The following LMBRD2 variants were observed in gnomAD, a reference collection of about 807,000 sequenced individuals.
LMBRD2 encodes the protein G protein-coupled receptor-associated protein LMBRD2.
LMBRD2 carries 55 observed loss-of-function variants against 94.4 expected under a neutral mutation model. The ratio of observed to expected loss-of-function variants is 0.58; its 90% CI spans 0.47 to 0.73. LMBRD2 has a LOEUF of 0.73. LMBRD2 is among the 30% of genes least tolerant of loss of function. The pLI is 0.00. For synonymous variants in LMBRD2, 246 were observed against 272.4 expected (o/e 0.90, Z 0.95); for missense variants, 640 against 831.9 (o/e 0.77, Z 2.84).
At chr5:36,128,345 T>C (rs1420738951) in intron 6 of LMBRD2, among the ~76,000 whole-genome samples, 1 of 152,170 alleles carries the variant, frequency 6.6e-6, no homozygotes, top group Non-Finnish European at 1.5e-5. Context: ...AAAGAATACC[T>C]AACTTTTCAA....
intron 9 of LMBRD2, among the ~76,000 whole-genome samples, chr5:36,118,879 G>C (rs11954023): frequency 0.29 from 43,430 of 151,714 alleles, 7,612 homozygotes; most frequent in Non-Finnish European, 0.39. Flanking sequence ...ATTTTTAGTA[G>C]AGACAGGGTT....
intron 11 of LMBRD2, among the ~76,000 whole-genome samples, chr5:36,116,088 T>C (rs945709936): frequency 1.8e-4 from 28 of 152,180 alleles, no homozygotes; most frequent in African/African-American, 6.8e-4. Context: ...GGAAAAATTG[T>C]TCTTGTTGGT....
Position 36,141,146 on chromosome 5 carries a change from A to G in LMBRD2, c.329T>C (p.Phe110Ser). 1 of 1,611,502 alleles carries G rather than the reference A, an allele frequency of 6.2e-7. No homozygotes were observed. The highest frequency in any genetic ancestry group is 8.5e-7 in the Non-Finnish European group (1 of 1,178,040). ...SYIPDGIMPI[F>S]WRVVYWTSQF... ...TGACGTCCAATACACTACCCTCCAGAAAATTGGCATGATTCCATCAGGAAT... is the reference window on the plus strand; with the variant it reads ...TGACGTCCAATACACTACCCTCCAGGAAATTGGCATGATTCCATCAGGAAT... Residue 110 changes from phenylalanine (F) to serine (S), a missense_variant, in exon 4 of 18, where the codon TTC becomes TCC. By Grantham distance (155) the Phe-to-Ser change is radical. This residue lies in a region of LMBRD2 where 457 missense variants were observed against 642.8 expected (regional missense o/e 0.71). Transcript: ENST00000296603.
chr5:36,116,596 G>A lies in LMBRD2; in HGVS notation c.1303-3C>T. ...AAGATGGAAAGGAAGCAGGCAATCT[G>A]GAAAAAAACAAAAACAAAGCAGTTT... On this transcript the variant is annotated splice_polypyrimidine_tract_variant and splice_region_variant and intron_variant, in intron 10 of 17. Coordinates refer to ENST00000296603, the MANE Select transcript of LMBRD2 (RefSeq NM_001007527.2). The A allele has an allele frequency of 1.2e-6, 2 of 1,605,880 alleles. No individual in the cohort carries two copies. The highest frequency in any genetic ancestry group is 1.1e-5 in the South Asian group (1 of 88,914).
intron 11 of LMBRD2, among the ~76,000 whole-genome samples, chr5:36,115,570 A>T (rs1434528857): frequency 6.6e-6 from 1 of 152,212 alleles, no homozygotes; most frequent in Non-Finnish European, 1.5e-5. Context: ...AAATAAAAAG[A>T]ATGCCTTACA....
At chr5:36,144,042 A>T (rs571764083) in intron 1 of LMBRD2, among the ~76,000 whole-genome samples, 1 of 152,180 alleles carries the variant, frequency 6.6e-6, no homozygotes, top group East Asian at 1.9e-4. Flanking sequence ...ACTTACTTTG[A>T]TAAATTCTCA....
At chr5:36,105,826 A>G (rs1351633530) in intron 16 of LMBRD2, among the ~76,000 whole-genome samples, 1 of 152,194 alleles carries the variant, frequency 6.6e-6, no homozygotes, top group African/African-American at 2.4e-5. Context: ...CATACCAGAC[A>G]GCAGATAAAG....
At chr5:36,121,851 A>G (rs1743893711) in intron 9 of LMBRD2, among the ~76,000 whole-genome samples, 1 of 152,212 alleles carries the variant, frequency 6.6e-6, no homozygotes, top group African/African-American at 2.4e-5. Flanking sequence ...CATGCTGTAT[A>G]GGTTTGTAGC....
intron 6 of LMBRD2, among the ~76,000 whole-genome samples, chr5:36,133,564 A>G (rs1744202964): frequency 6.6e-6 from 1 of 152,072 alleles, no homozygotes; most frequent in Non-Finnish European, 1.5e-5. Flanking sequence ...ATTTTTTAAA[A>G]CCCCAGAAAA....
At chr5:36,120,546 A>C (rs982044788) in intron 9 of LMBRD2, among the ~76,000 whole-genome samples, 9 of 152,188 alleles carry the variant, frequency 5.9e-5, no homozygotes, top group Admixed American at 3.9e-4. Flanking sequence ...GGTGTGAGCC[A>C]CCGCGCCTGG....
chr5:36,137,315 A>G lies in LMBRD2; in HGVS notation c.495T>C (p.Phe165=). Residue 165 remains phenylalanine (F), a synonymous_variant, in exon 5 of 18, where the codon TTT becomes TTC. Transcript: ENST00000296603. ...GTGGGTTTACAGCTACATAAATTAA[A>G]AATGCTCCAAAAATCAGCAAATAGG... ...YGTYLLIFGA[F]LIYVAVNPHL... 1.2e-6 allele frequency: 2 copies of G among 1,602,522 alleles called. No homozygotes were observed. Among genetic ancestry groups the G allele is most frequent in the Non-Finnish European group, 1.7e-6 (2 of 1,172,034 alleles).
Position 36,099,053 on chromosome 5 carries a change from A to C in LMBRD2, c.*4993T>G, listed in dbSNP as rs1468835051. The C allele has an allele frequency of 6.6e-6, 1 of 152,098 alleles. No homozygotes were observed. Among genetic ancestry groups the C allele is most frequent in the African/African-American group, 2.4e-5 (1 of 41,450 alleles). The allele number at this position is 152,098 out of a possible 1,614,324, so 9.4% of individuals were successfully genotyped here. A position where few individuals can be genotyped will look rare whatever the true frequency, so the allele number is the denominator to read the frequency against. On this transcript the variant is annotated 3_prime_UTR_variant, in exon 18 of 18. Coordinates refer to ENST00000296603, the MANE Select transcript of LMBRD2 (RefSeq NM_001007527.2). ...AACAAGTATTTTATTAATGCAATGC[A>C]GAAATTAGGTTTTTGGTATATTAAT...
chr5:36,107,200 G>A (rs1319067777), intron 16 of LMBRD2, among the ~76,000 whole-genome samples: 1 of 152,074 alleles, frequency 6.6e-6, no homozygotes, highest in East Asian at 1.9e-4. Context: ...TAGCTCTTTT[G>A]TATAGTTTCC....
At chr5:36,122,721 A>C in intron 8 of LMBRD2, 127 bp downstream of exon 8, 1 of 1,229,212 alleles carries the variant, frequency 8.1e-7, no homozygotes, top group South Asian at 1.7e-5. Flanking sequence ...ATTTCAAAGA[A>C]TGATAAGGAC....
chr5:36,122,958 G>A lies in LMBRD2; in HGVS notation c.826C>T (p.Pro276Ser), dbSNP rs1318642078. 12 of 1,495,970 alleles carry A rather than the reference G, an allele frequency of 8.0e-6. 1 individual carries two copies. In the Admixed American group the frequency reaches 2.1e-4, roughly 26 times the overall value. The allele number at this position is 1,495,970 out of a possible 1,614,324, so 92.7% of individuals were successfully genotyped here. A position where few individuals can be genotyped will look rare whatever the true frequency, so the allele number is the denominator to read the frequency against. ...CCCATTTTTTCCTGATACTCTGTAG[G>A]GCACTAAAAAAAAAAAAAAGTAGAT... Reference protein sequence around the residue: ...KCVDTILKKCPTEYQEKMGRN... With the variant: ...KCVDTILKKCSTEYQEKMGRN... Residue 276 changes from proline to serine, a missense_variant, in exon 8 of 18, where the codon CCT (proline) becomes TCT (serine). Around this residue, in one of 2 missense-constraint regions of LMBRD2, gnomAD observed 457 missense variants for 642.8 expected, o/e 0.71. Transcript: ENST00000296603.
intron 15 of LMBRD2, among the ~76,000 whole-genome samples, chr5:36,109,566 A>G (rs1212499152): frequency 6.6e-6 from 1 of 152,088 alleles, no homozygotes; most frequent in African/African-American, 2.4e-5. Flanking sequence ...AAGAAAAATT[A>G]AGGAGGAATA....
chr5:36,116,634 C>A (rs1404990622), intron 10 of LMBRD2, 41 bp from the exon 11 acceptor site: 24 of 1,587,998 alleles, frequency 1.5e-5, no homozygotes, highest in Non-Finnish European at 2.1e-5. Context: ...TTAAAACAAA[C>A]AGACTTTAGC....
intron 17 of LMBRD2, 21 bp downstream of exon 17, chr5:36,105,047 A>T: frequency 1.2e-6 from 2 of 1,609,512 alleles, no homozygotes; most frequent in Non-Finnish European, 1.7e-6. Flanking sequence ...CTAGAGCTAA[A>T]ATGTCACAGC....
At chr5:36,115,563 TA>T (rs1175309536) in intron 11 of LMBRD2, among the ~76,000 whole-genome samples, 26 of 152,252 alleles carry the variant, frequency 1.7e-4, no homozygotes, top group African/African-American at 6.3e-4. Flanking sequence ...TCTGTCCAAA[TA>T]AAAAGAATGC....
Sources: allele counts gnomAD v4.1 joint callset (sites outside exome capture counted in the v4.1 genomes callset), GRCh38; gene constraint gnomAD v4.1.1; regional missense constraint gnomAD v4.1.1; transcripts MANE v1.5; gene names NCBI Gene and HGNC (gene_info 2026-07-23, HGNC 2026-07-21).